Variants in SIPA1L2 observed in about 807,000 individuals in gnomAD.
SIPA1L2 encodes the protein signal-induced proliferation-associated 1-like protein 2.
Under a neutral mutation model 163.9 loss-of-function variants are expected in SIPA1L2, and 56 were observed. The ratio of observed to expected loss-of-function variants is 0.34; its 90% confidence interval spans 0.28 to 0.43. The LOEUF is 0.43. Ranked by LOEUF, SIPA1L2 falls within the 20% of genes least tolerant of loss-of-function variation. The probability of loss-of-function intolerance (pLI) is 1.00; values close to 1 mark genes in which losing one functional copy is unlikely to be tolerated. For synonymous variants in SIPA1L2, 877 were observed against 865.7 expected (o/e 1.01, Z -0.23); for missense variants, 1,974 against 2,193.5 (o/e 0.90, Z 2.00).
chr1:232,502,516 T>C (rs918948927), intron 3 of SIPA1L2, among the ~76,000 whole-genome samples: 1 of 152,198 alleles, frequency 6.6e-6, no homozygotes, highest in Non-Finnish European at 1.5e-5. Flanking sequence ...TTTAAAAGTT[T>C]GGGAATCTAA....
intron 16 of SIPA1L2, among the ~76,000 whole-genome samples, chr1:232,429,641 T>C (rs1662109697): frequency 6.6e-6 from 1 of 151,966 alleles, no homozygotes; most frequent in Non-Finnish European, 1.5e-5. Flanking sequence ...TTCATAACTT[T>C]TAAAACATTA....
At chr1:232,580,111 T>C (rs1033773664) in intron 1 of SIPA1L2, among the ~76,000 whole-genome samples, 4 of 152,182 alleles carry the variant, frequency 2.6e-5, no homozygotes, top group African/African-American at 4.8e-5. Context: ...GGGTAGATTA[T>C]TCATGAGTTT....
chr1:232,418,507 A>C (rs956497148), intron 18 of SIPA1L2, among the ~76,000 whole-genome samples: 4 of 152,224 alleles, frequency 2.6e-5, no homozygotes, highest in Non-Finnish European at 4.4e-5. Flanking sequence ...ACAGTGCGTG[A>C]GTGGGCCCGG....
chr1:232,565,908 A>G (rs1558272536), intron 2 of SIPA1L2, among the ~76,000 whole-genome samples: 1 of 152,176 alleles, frequency 6.6e-6, no homozygotes, highest in Non-Finnish European at 1.5e-5. Flanking sequence ...TTCCTATAGT[A>G]TACACTGTCA....
chr1:232,478,444 G>A (rs962560783), intron 7 of SIPA1L2, among the ~76,000 whole-genome samples: 2 of 152,186 alleles, frequency 1.3e-5, no homozygotes, highest in African/African-American at 4.8e-5. Context: ...AGTGATGGGA[G>A]AAGGGGAGGT....
intron 1 of SIPA1L2, among the ~76,000 whole-genome samples, chr1:232,618,158 A>C (rs1662603518): frequency 6.6e-6 from 1 of 152,200 alleles, no homozygotes; most frequent in South Asian, 2.1e-4. Context: ...TACTGGTTTA[A>C]ATAAATCTCA....
At chr1:232,471,653 G>A in intron 7 of SIPA1L2, 125 bp from the exon 8 acceptor site, 1 of 905,024 alleles carries the variant, frequency 1.1e-6, no homozygotes, top group Non-Finnish European at 1.5e-6. Flanking sequence ...TTGGAAGTCA[G>A]TGCTCCTAAA....
At chr1:232,507,387 GAC>G (rs1666778716) in intron 3 of SIPA1L2, among the ~76,000 whole-genome samples, 1 of 152,162 alleles carries the variant, frequency 6.6e-6, no homozygotes, top group African/African-American at 2.4e-5. Flanking sequence ...TGTTGATGGT[GAC>G]CTTGGTGACC....
intron 2 of SIPA1L2, among the ~76,000 whole-genome samples, chr1:232,563,941 TTTG>T (rs1659191572): frequency 7.5e-6 from 1 of 133,586 alleles, no homozygotes; most frequent in South Asian, 2.3e-4. Context: ...ACGACAAAGG[TTTG>T]TTTTTTTTTT....
chr1:232,482,094 TA>T (rs1354199059), intron 6 of SIPA1L2, among the ~76,000 whole-genome samples: 1 of 152,212 alleles, frequency 6.6e-6, no homozygotes, highest in Non-Finnish European at 1.5e-5. Flanking sequence ...GATTTATTAT[TA>T]AAGTCAACAT....
At chr1:232,495,570 A>G (rs1666143282) in intron 3 of SIPA1L2, among the ~76,000 whole-genome samples, 3 of 151,614 alleles carry the variant, frequency 2.0e-5, no homozygotes, top group South Asian at 2.1e-4. Flanking sequence ...GTCTCAAAAA[A>G]AAAAAAAAAA....
chr1:232,557,056 A>G (rs1243276521), intron 2 of SIPA1L2, among the ~76,000 whole-genome samples: 1 of 152,196 alleles, frequency 6.6e-6, no homozygotes, highest in Non-Finnish European at 1.5e-5. Flanking sequence ...GAGGATTAAC[A>G]AAAACTCATG....
intron 1 of SIPA1L2, among the ~76,000 whole-genome samples, chr1:232,623,154 C>A (rs759134354): frequency 6.6e-6 from 1 of 152,244 alleles, no homozygotes; most frequent in Non-Finnish European, 1.5e-5. Context: ...AACCCACTAA[C>A]GGCTGGGAAG....
intron 1 of SIPA1L2, among the ~76,000 whole-genome samples, chr1:232,575,076 T>C (rs376195283): frequency 6.6e-6 from 1 of 152,202 alleles, no homozygotes. Flanking sequence ...AACGTAAGAA[T>C]TTCTGCAAAC....
At chr1:232,462,539 C>A in intron 9 of SIPA1L2, 1 of 412,308 alleles carries the variant, frequency 2.4e-6, no homozygotes, top group Non-Finnish European at 4.2e-6. Flanking sequence ...CACGACTCAG[C>A]AAAATGCGGA....
chr1:232,529,944 C>T (rs1667893163), intron 2 of SIPA1L2, among the ~76,000 whole-genome samples: 1 of 152,138 alleles, frequency 6.6e-6, no homozygotes, highest in African/African-American at 2.4e-5. Flanking sequence ...ACCATCAACC[C>T]CACAGTTTGG....
At chr1:232,581,058 A>C (rs1399400079) in intron 1 of SIPA1L2, among the ~76,000 whole-genome samples, 1 of 151,820 alleles carries the variant, frequency 6.6e-6, no homozygotes, top group African/African-American at 2.4e-5. Context: ...TCCTCCACCC[A>C]TGTTCCTGAC....
intron 18 of SIPA1L2, among the ~76,000 whole-genome samples, chr1:232,416,679 T>C (rs924798946): frequency 2.0e-5 from 3 of 152,248 alleles, no homozygotes; most frequent in Admixed American, 6.5e-5. Context: ...AGACCAACTT[T>C]GCTTTTATCA....
At chr1:232,529,971 C>T (rs1048814627) in intron 2 of SIPA1L2, among the ~76,000 whole-genome samples, 2 of 152,308 alleles carry the variant, frequency 1.3e-5, no homozygotes, top group East Asian at 3.9e-4. Context: ...AGTGCTGGTT[C>T]CCAGACTTCA....
Sources: gnomAD v4.1 joint callset for allele counts (sites outside exome capture counted in the v4.1 genomes callset) on GRCh38, gnomAD v4.1.1 for gene constraint, MANE v1.5 for transcripts, NCBI Gene and HGNC (gene_info 2026-07-23, HGNC 2026-07-21) for gene names.